Variants in ZNFX1 observed in about 807,000 individuals in gnomAD.
The protein encoded by ZNFX1 is zinc finger NFX1-type containing 1, also known as NFX1-type zinc finger-containing protein 1.
ZNFX1 carries 78 observed loss-of-function variants against 179.8 expected under a neutral mutation model. The ratio of observed to expected loss-of-function variants is 0.43; its 90% CI spans 0.36 to 0.52. ZNFX1 has a LOEUF of 0.52. ZNFX1 is among the 20% of genes least tolerant of loss of function. ZNFX1 has a pLI of 0.00. For missense variants in ZNFX1, 1,927 were observed against 2,386.6 expected (o/e 0.81, Z 4.01); for synonymous variants, 848 against 868.5 (o/e 0.98, Z 0.42).
In ZNFX1 at chr20:49,247,676, C is replaced by A. The variant is rs376008016; in HGVS notation, c.5348G>T (p.Ser1783Ile). The A allele has an allele frequency of 4.5e-5, 72 of 1,614,112 alleles. No homozygotes were observed. The highest frequency in any genetic ancestry group is 5.8e-5 in the Non-Finnish European group (68 of 1,180,048). The change falls in exon 14 of 14, where the codon AGC becomes ATC. Residue 1783 changes from serine to isoleucine, a missense_variant. Transcript: ENST00000396105. ...YKIAEKKVKD[S>I]IAVEVYSVQN... ...GACACTATAGACCTCTACTGCTATG[C>A]TATCTTTCACCTTCTTCTCTGCTAT...
At chr20:49,262,615 A>G (rs1370677196) in intron 6 of ZNFX1, among the ~76,000 whole-genome samples, 2 of 152,130 alleles carry the variant, frequency 1.3e-5, no homozygotes, top group Non-Finnish European at 2.9e-5. Context: ...CTTATTTGTA[A>G]GACCTGAATG....
At chr20:49,249,875 T>C (rs1379378458) in intron 13 of ZNFX1, among the ~76,000 whole-genome samples, 164 bp from the exon 14 acceptor site, 2 of 152,228 alleles carry the variant, frequency 1.3e-5, no homozygotes, top group African/African-American at 4.8e-5. Flanking sequence ...TTAGTCATTG[T>C]GTGCTTCATT....
intron 12 of ZNFX1, among the ~76,000 whole-genome samples, chr20:49,252,304 G>A (rs1475105730): frequency 2.6e-5 from 4 of 151,664 alleles, no homozygotes; most frequent in Admixed American, 2.0e-4. Context: ...ACCATGCCCG[G>A]CTAATTTTTG....
chr20:49,275,502 C>T (rs980137363), intron 2 of ZNFX1, among the ~76,000 whole-genome samples: 3 of 152,058 alleles, frequency 2.0e-5, no homozygotes, highest in East Asian at 1.9e-4. Context: ...ACTACAGGCA[C>T]GCAGCACCAA....
At chr20:49,250,101 A>G (rs1027127835) in intron 13 of ZNFX1, among the ~76,000 whole-genome samples, 2 of 152,142 alleles carry the variant, frequency 1.3e-5, no homozygotes, top group Non-Finnish European at 2.9e-5. Flanking sequence ...CTAAAAATAC[A>G]AAAATTAGCT....
rs71647791 is a variant in ZNFX1 at position 49,246,872 on chromosome 20, A to AT, written c.*394dup. 773 of 425,612 alleles carry AT rather than the reference A, an allele frequency of 1.8e-3. 1 individual carries two copies. Among genetic ancestry groups the AT allele is most frequent in the East Asian group, 3.9e-3 (52 of 13,422 alleles). 26.4% of individuals were successfully genotyped at this position (425,612 alleles called of 1,614,324 possible). ...GTAGGTGCTAAGACTAAAAAGAATGATTTTTTTTTTTTTGAGACAGAGTCT... is the reference window on the plus strand; with the variant it reads ...GTAGGTGCTAAGACTAAAAAGAATGATTTTTTTTTTTTTTGAGACAGAGTCT... On this transcript the variant is annotated 3_prime_UTR_variant, in exon 14 of 14. Coordinates refer to ENST00000396105, the MANE Select transcript of ZNFX1 (RefSeq NM_021035.3).
At position 49,270,992 on chromosome 20, in the gene ZNFX1, G is replaced by A. The variant is rs1981376532; in HGVS notation, c.820C>T (p.Pro274Ser). Residue 274 changes from proline to serine, a missense_variant, in exon 3 of 14, where the codon CCA becomes TCA. Pro to Ser is a moderately conservative substitution (Grantham distance 74). Transcript: ENST00000396105. The surrounding 1 kb of genome is among the most constrained non-coding windows in gnomAD (Gnocchi z 4.6). ...QETSMLVSLLPTSLNALRASG... is the reference protein window; with the variant it reads ...QETSMLVSLLSTSLNALRASG... ...GCTCTCAGAGCATTAAGAGAGGTTGGCAGGAGGGAAACCAGCATGGAAGTT... is the reference window on the plus strand; with the variant it reads ...GCTCTCAGAGCATTAAGAGAGGTTGACAGGAGGGAAACCAGCATGGAAGTT... The A allele has an allele frequency of 2.5e-6, 4 of 1,614,130 alleles. No homozygotes were observed. Among genetic ancestry groups the A allele is most frequent in the African/African-American group, 1.3e-5 (1 of 75,024 alleles).
rs1413829229 is a variant in ZNFX1, at chr20:49,255,060, T to A, written c.2805-411A>T. On this transcript the variant is annotated intron_variant, in intron 9 of 13. Transcript: ENST00000396105. The stretch of plus-strand genomic sequence containing the variant: ...TCTACTACTTTTTTTTTTTTTTTTT[T>A]AAAAGACGGAGTCTTGCTCTGTCAC... 7.3e-5 allele frequency among the ~76,000 whole-genome samples: 11 copies of A among 150,686 alleles called. 1 individual carries two copies. The East Asian group carries it at 1.2e-3, about 16-fold the overall frequency.
At chr20:49,274,831 A>C (rs1981510942) in intron 2 of ZNFX1, among the ~76,000 whole-genome samples, 1 of 151,846 alleles carries the variant, frequency 6.6e-6, no homozygotes, top group South Asian at 2.1e-4. Context: ...TTTCTAGAAA[A>C]TAAAAACTAG....
chr20:49,252,632 TTA>T (rs1414017305), intron 12 of ZNFX1, 86 bp downstream of exon 12: 2 of 838,490 alleles, frequency 2.4e-6, no homozygotes, highest in Non-Finnish European at 3.9e-6. Context: ...TTATTTTTAT[TTA>T]TATGAGACCT....
chr20:49,257,552 C>T lies in ZNFX1; in HGVS notation c.2529G>A (p.Val843=). 1 of 1,613,970 alleles carries T rather than the reference C, an allele frequency of 6.2e-7. No homozygotes were observed. Among genetic ancestry groups the T allele is most frequent in the South Asian group, 1.1e-5 (1 of 91,062 alleles). ...CCTTCTTCCGCCGCTGGGGCCTCAC[C>T]ACCTCTTCCTCCTCAATCACCCGGT... ...QADRVIEEEE[V]VRPQRRKKEE... is the part of the protein sequence containing the mutation. The change falls in exon 8 of 14, where the codon GTG becomes GTA. Residue 843 remains valine (V), a synonymous_variant. Transcript: ENST00000396105.
intron 6 of ZNFX1, 78 bp from the exon 7 acceptor site, chr20:49,260,655 A>G (rs555870009): frequency 1.8e-6 from 2 of 1,084,344 alleles, no homozygotes; most frequent in East Asian, 5.3e-5. Context: ...AAGAATCAAA[A>G]GCAGATTGGG....
intron 5 of ZNFX1, among the ~76,000 whole-genome samples, chr20:49,264,252 G>A (rs995505475): frequency 6.6e-6 from 1 of 152,150 alleles, no homozygotes; most frequent in Non-Finnish European, 1.5e-5. Context: ...CACTCAGAAA[G>A]TTTTGGATTT....
chr20:49,258,973 G>T (rs1981047501), intron 7 of ZNFX1, among the ~76,000 whole-genome samples: 1 of 150,376 alleles, frequency 6.6e-6, no homozygotes, highest in Non-Finnish European at 1.5e-5. Flanking sequence ...TGTGGTGAGT[G>T]TGCCTGTAAT....
Position 49,260,515 on chromosome 20 carries a change from A to C in ZNFX1, c.2364T>G (p.Leu788=). Residue 788 remains leucine (L), a synonymous_variant, in exon 7 of 14, where the codon CTT becomes CTG. Coordinates refer to ENST00000396105, the MANE Select transcript of ZNFX1 (RefSeq NM_021035.3). ...KHSMMLEWLG[L]GVGSFTQSVS... is the part of the protein sequence containing the mutation. ...CACTTTGCGTGAAAGAACCGACACCAAGACCTAGCCACTCCAGCATCATGG... is the reference window on the plus strand; with the variant it reads ...CACTTTGCGTGAAAGAACCGACACCCAGACCTAGCCACTCCAGCATCATGG... 1 of 1,613,454 alleles carries C rather than the reference A, an allele frequency of 6.2e-7. No homozygotes were observed. The highest frequency in any genetic ancestry group is 8.5e-7 in the Non-Finnish European group (1 of 1,179,750).
chr20:49,259,597 CTT>C (rs76603219), intron 7 of ZNFX1, among the ~76,000 whole-genome samples: 1 of 146,786 alleles, frequency 6.8e-6, no homozygotes, highest in African/African-American at 2.5e-5. Context: ...AAACTTTTTC[CTT>C]TTTTTTTTTA....
rs774732110 is a variant in ZNFX1, at chr20:49,251,528, T to C, written c.3311A>G (p.Lys1104Arg). 1.2e-6 allele frequency: 2 copies of C among 1,610,582 alleles called. No individual in the cohort carries two copies. The highest frequency in any genetic ancestry group is 3.4e-5 in the Admixed American group (2 of 59,638). ...HPSVLKYEKI[K>R]GVSSNLFFVE... ...AAAGATCGGGTAAGACAGACTCACC[T>C]TAATCTTCTCATACTTAAGAACAGA... Residue 1104 changes from lysine (K) to arginine (R), a missense_variant and splice_region_variant, in exon 13 of 14, where the codon AAG (lysine) becomes AGG (arginine). Physicochemically the swap from Lys to Arg is conservative, Grantham distance 26. Transcript: ENST00000396105.
chr20:49,272,473 C>G (rs1246327389), intron 2 of ZNFX1, among the ~76,000 whole-genome samples: 1 of 152,098 alleles, frequency 6.6e-6, no homozygotes, highest in South Asian at 2.1e-4. Context: ...CGTAAGCCAC[C>G]GTGCCTGGTG....
chr20:49,248,585 A>G lies in ZNFX1; in HGVS notation c.4439T>C (p.Ile1480Thr), dbSNP rs769339870. ...ICSHKCQEPC[I>T]GECPPCQRTC... ...CCGCTGGCAGGGTGGGCACTCACCA[A>G]TGCATGGTTCCTGGCACTTGTGTGA... The change falls in exon 14 of 14, where the codon ATT becomes ACT. Residue 1480 changes from isoleucine to threonine, a missense_variant. Ile to Thr is a moderately conservative substitution (Grantham distance 89). Coordinates refer to ENST00000396105, the MANE Select transcript of ZNFX1 (RefSeq NM_021035.3). This position sits in a 1 kb window ranked among gnomAD's most constrained non-coding sequence, Gnocchi z 4.6. 5.0e-6 allele frequency: 8 copies of G among 1,614,066 alleles called. No individual in the cohort carries two copies. In the East Asian group the frequency reaches 1.6e-4, roughly 31 times the overall value.
Sources: allele counts gnomAD v4.1 joint callset (sites outside exome capture counted in the v4.1 genomes callset), GRCh38; gene constraint gnomAD v4.1.1; non-coding constraint Gnocchi (gnomAD v3.1); transcripts MANE v1.5; gene names NCBI Gene and HGNC (gene_info 2026-07-23, HGNC 2026-07-21).